SCLY: variants seen among roughly 807,000 people sequenced by gnomAD.
SCLY encodes the protein selenocysteine lyase, also known as putative selenocysteine lyase.
A neutral mutation model predicts 50.1 loss-of-function variants in SCLY; 38 were observed. The observed-to-expected ratio is 0.76, with a 90% confidence interval of 0.59 to 0.99. The LOEUF is 0.99. SCLY is among the 50% of genes least tolerant of loss of function. The pLI is 0.00. For missense variants in SCLY, 600 were observed against 620.0 expected (o/e 0.97, Z 0.34); for synonymous variants, 243 against 249.4 (o/e 0.97, Z 0.24).
chr2:238,098,609 C>CCGCCCACATAGGACCGCCCACATGGGAA lies in SCLY; in HGVS notation c.*263_*264insAGGACCGCCCACATGGGAACGCCCACAT, dbSNP rs1691320457. The CCGCCCACATAGGACCGCCCACATGGGAA allele has an allele frequency of 1.3e-4, 48 of 358,790 alleles. No individual in the cohort carries two copies. The highest frequency in any genetic ancestry group is 2.1e-4 in the Non-Finnish European group (44 of 212,654). 22.2% of individuals were successfully genotyped at this position (358,790 alleles called of 1,614,324 possible). ...CCCACATAGGACCGCCCACATAGGA[C>CCGCCCACATAGGACCGCCCACATGGGAA]CGCCCACATGGGACCGCCCACATGG... On this transcript the variant is annotated 3_prime_UTR_variant, in exon 12 of 12. Transcript: ENST00000254663.
At chr2:238,073,968 T>C in intron 4 of SCLY, 1 of 285,618 alleles carries the variant, frequency 3.5e-6, no homozygotes, top group Non-Finnish European at 6.9e-6. Context: ...GCTTACGTTA[T>C]CAGTAAGGCT....
intron 4 of SCLY, among the ~76,000 whole-genome samples, chr2:238,075,312 A>G (rs1451795452): frequency 1.3e-5 from 2 of 152,126 alleles, no homozygotes; most frequent in Non-Finnish European, 2.9e-5. Flanking sequence ...TTTTCTGTCA[A>G]TATTCATAAG....
In SCLY at chr2:238,098,622, ACCGCCCACATG is replaced by A. The variant is rs1559254695; in HGVS notation, c.*268_*278del. ...GCCCACATAGGACCGCCCACATGGGACCGCCCACATGGGACCGCCCACATGGGACCGCCCAC... is the reference window on the plus strand; with the variant it reads ...GCCCACATAGGACCGCCCACATGGGAGGACCGCCCACATGGGACCGCCCAC... On this transcript the variant is annotated 3_prime_UTR_variant, in exon 12 of 12. Coordinates refer to ENST00000254663, the MANE Select transcript of SCLY (RefSeq NM_016510.7). 0.13 allele frequency: 60,105 copies of A among 450,932 alleles called. 8,106 individuals are homozygous for A. Among genetic ancestry groups the A allele is most frequent in the Non-Finnish European group, 0.16 (41,647 of 257,300 alleles). The allele number at this position is 450,932 out of a possible 1,614,324, so 27.9% of individuals were successfully genotyped here.
Position 238,098,515 on chromosome 2 carries a change from C to A in SCLY, c.*160C>A, listed in dbSNP as rs1408296653. 4.8e-6 allele frequency: 4 copies of A among 835,822 alleles called. No individual in the cohort carries two copies. Among genetic ancestry groups the A allele is most frequent in the Non-Finnish European group, 7.2e-6 (4 of 555,526 alleles). The allele number at this position is 835,822 out of a possible 1,614,324, so 51.8% of individuals were successfully genotyped here. On this transcript the variant is annotated 3_prime_UTR_variant, in exon 12 of 12. Coordinates refer to ENST00000254663, the MANE Select transcript of SCLY (RefSeq NM_016510.7). ...GCGAGTGTGCACCCCCAGTTTCCTTCCCTGGACCCCTGCAGAGCTCACAGG... is the reference window on the plus strand; with the variant it reads ...GCGAGTGTGCACCCCCAGTTTCCTTACCTGGACCCCTGCAGAGCTCACAGG...
intron 1 of SCLY, 79 bp from the exon 2 acceptor site, chr2:238,064,278 G>T (rs1034169153): frequency 7.2e-5 from 60 of 837,820 alleles, no homozygotes; most frequent in Non-Finnish European, 5.2e-5. Flanking sequence ...TCCTGCCGAT[G>T]GGATAGACAC....
rs190864323 is a variant in SCLY, at chr2:238,063,807, C to T, written c.90-550C>T. Among the ~76,000 whole-genome samples the T allele has an allele frequency of 2.1e-3, 314 of 152,322 alleles. 2 individuals are homozygous for T. In the East Asian group the frequency reaches 0.05, roughly 24 times the overall value. ...CCCTTGGGGAATGTGCAGCTGTTCC[C>T]CTCCTTCCATAAGGAAGAGGCCAGT... On this transcript the variant is annotated intron_variant, in intron 1 of 11. Transcript: ENST00000254663.
chr2:238,063,388 A>G (rs2065037792), intron 1 of SCLY, among the ~76,000 whole-genome samples: 1 of 151,566 alleles, frequency 6.6e-6, no homozygotes, highest in African/African-American at 2.4e-5. Flanking sequence ...TAGTAGGGCT[A>G]ATGTTTGCAT....
In SCLY at chr2:238,069,596, A is replaced by C; in HGVS notation, c.484+119A>C. ...GAGATGTAGATTCAGTGTGCCACTC[A>C]CTGTAACTCACTGGTTCTGATGAGG... On this transcript the variant is annotated intron_variant, in intron 4 of 11. Coordinates refer to ENST00000254663, the MANE Select transcript of SCLY (RefSeq NM_016510.7). The surrounding 1 kb of genome is among the most constrained non-coding windows in gnomAD (Gnocchi z 5.0). 1 of 902,548 alleles carries C rather than the reference A, an allele frequency of 1.1e-6. No homozygotes were observed. Among genetic ancestry groups the C allele is most frequent in the Non-Finnish European group, 1.6e-6 (1 of 617,908 alleles). The allele number at this position is 902,548 out of a possible 1,614,324, so 55.9% of individuals were successfully genotyped here.
Position 238,098,556 on chromosome 2 carries a change from G to T in SCLY, c.*201G>T. The T allele has an allele frequency of 2.3e-6, 1 of 438,652 alleles. No individual in the cohort carries two copies. Among genetic ancestry groups the T allele is most frequent in the Non-Finnish European group, 3.4e-6 (1 of 291,558 alleles). The allele number at this position is 438,652 out of a possible 1,614,324, so 27.2% of individuals were successfully genotyped here. On this transcript the variant is annotated 3_prime_UTR_variant, in exon 12 of 12. Transcript: ENST00000254663. ...AGCTCACAGGGCCCAGGACACCAAC[G>T]CCGCATAGGACTGCCCACATGGGAC...
chr2:238,097,950 C>T (rs1390757501), intron 11 of SCLY, among the ~76,000 whole-genome samples: 1 of 152,178 alleles, frequency 6.6e-6, no homozygotes, highest in Non-Finnish European at 1.5e-5. Context: ...GAGAGGGAGG[C>T]AGTGTCACCT....
intron 9 of SCLY, 93 bp from the exon 10 acceptor site, chr2:238,094,327 G>A: frequency 5.8e-6 from 6 of 1,042,770 alleles, no homozygotes; most frequent in Non-Finnish European, 7.3e-6. Context: ...TGCACCTGCT[G>A]AAGTTGTGTT....
In SCLY at chr2:238,063,185, AG is replaced by A. The variant is rs1338206709; in HGVS notation, c.90-1168del. On this transcript the variant is annotated intron_variant, in intron 1 of 11. Transcript: ENST00000254663. ...ATGCTGCCCAGAAAGGAAGGCGGGA[AG>A]GGGACCTGGAGGCTGGGGAGGTAGG... Among the ~76,000 whole-genome samples the A allele has an allele frequency of 6.6e-5, 10 of 151,976 alleles. No homozygotes were observed. In the South Asian group the frequency reaches 1.9e-3, roughly 28 times the overall value.
Position 238,082,206 on chromosome 2 carries a change from C to T in SCLY, c.774C>T (p.His258=). Residue 258 remains histidine, a synonymous_variant, in exon 6 of 12, where the codon CAC becomes CAT. Coordinates refer to ENST00000254663, the MANE Select transcript of SCLY (RefSeq NM_016510.7). The stretch of plus-strand genomic sequence containing the variant: ...TGGACTTCCTTACAATCGTGGGGCA[C>T]AAGGTAAGTCTGCAGAGGCTTCCTG... ...LGVDFLTIVG[H]KFYGPRIGAL... 6.2e-7 allele frequency: 1 copy of T among 1,601,396 alleles called. No homozygotes were observed. Among genetic ancestry groups the T allele is most frequent in the East Asian group, 2.3e-5 (1 of 44,424 alleles).
At chr2:238,077,553 C>T (rs967793445) in intron 4 of SCLY, among the ~76,000 whole-genome samples, 1 of 152,196 alleles carries the variant, frequency 6.6e-6, no homozygotes, top group Non-Finnish European at 1.5e-5. Context: ...GGTAAGACCA[C>T]CTCAGCATAG....
At chr2:238,072,126 C>T (rs555038671) in intron 4 of SCLY, among the ~76,000 whole-genome samples, 1 of 152,260 alleles carries the variant, frequency 6.6e-6, no homozygotes, top group East Asian at 1.9e-4. Flanking sequence ...TTCTAGACTC[C>T]CCTATGAATG....
Position 238,069,169 on chromosome 2 carries a change from C to G in SCLY, c.304-128C>G, listed in dbSNP as rs2065103591. 2 of 810,832 alleles carry G rather than the reference C, an allele frequency of 2.5e-6. No individual in the cohort carries two copies. The highest frequency in any genetic ancestry group is 3.3e-5 in the Admixed American group (1 of 30,568). 50.2% of individuals were successfully genotyped at this position (810,832 alleles called of 1,614,324 possible). On this transcript the variant is annotated intron_variant, in intron 3 of 11. Coordinates refer to ENST00000254663, the MANE Select transcript of SCLY (RefSeq NM_016510.7). The surrounding 1 kb of genome is among the most constrained non-coding windows in gnomAD (Gnocchi z 5.0). Reference sequence around the variant, plus strand: ...CCCAAATCTTTCAAAAGGTCCCACTCAGGAAGTTGAATTTCTTTGAAGCTT... The same window carrying G: ...CCCAAATCTTTCAAAAGGTCCCACTGAGGAAGTTGAATTTCTTTGAAGCTT...
intron 10 of SCLY, among the ~76,000 whole-genome samples, chr2:238,095,340 C>T (rs182840699): frequency 9.8e-5 from 15 of 152,312 alleles, no homozygotes; most frequent in African/African-American, 3.4e-4. Context: ...TGCCCTGACT[C>T]CCTGAGAGTG....
At chr2:238,073,922 A>G in intron 4 of SCLY, 1 of 342,470 alleles carries the variant, frequency 2.9e-6, no homozygotes, top group Non-Finnish European at 5.6e-6. Flanking sequence ...AATATAGCAT[A>G]TAATATATAA....
chr2:238,085,995 T>C (rs1480958384), intron 7 of SCLY, among the ~76,000 whole-genome samples: 1 of 152,206 alleles, frequency 6.6e-6, no homozygotes, highest in African/African-American at 2.4e-5. Context: ...AAAGACAGAA[T>C]TCTCTAAAGC....
Sources: allele counts gnomAD v4.1 joint callset (sites outside exome capture counted in the v4.1 genomes callset), GRCh38; gene constraint gnomAD v4.1.1; non-coding constraint Gnocchi (gnomAD v3.1); transcripts MANE v1.5; gene names NCBI Gene and HGNC (gene_info 2026-07-23, HGNC 2026-07-21).